The following RPF2 variants were observed in gnomAD, a reference collection of about 807,000 sequenced individuals.
RPF2 encodes the protein ribosome production factor 2 homolog, also known as brix domain containing 1.
Under a neutral mutation model 38.9 loss-of-function variants are expected in RPF2, and 21 were observed. The observed-to-expected ratio is 0.54, with a 90% CI of 0.38 to 0.78. The LOEUF (loss-of-function observed/expected upper bound fraction) is 0.78, where lower values mean the gene tolerates loss of function less well. RPF2 is among the 30% of genes least tolerant of loss of function. The pLI is 0.00. For missense variants in RPF2, 314 were observed against 358.1 expected, an observed-to-expected ratio of 0.88 and a Z score of 0.99; for synonymous variants, 121 against 126.2, an observed-to-expected ratio of 0.96 and a Z score of 0.28.
intron 6 of RPF2, among the ~76,000 whole-genome samples, chr6:111,006,218 A>G (rs1583268509): frequency 6.6e-6 from 1 of 151,396 alleles, no homozygotes; most frequent in Non-Finnish European, 1.5e-5. Flanking sequence ...AGTGTAAGCC[A>G]CCACACCTAG....
intron 4 of RPF2, among the ~76,000 whole-genome samples, chr6:110,993,673 A>T (rs1771659105): frequency 6.6e-6 from 1 of 152,210 alleles, no homozygotes; most frequent in Admixed American, 6.5e-5. Context: ...ATAAAAGCTG[A>T]CAACAGCTTT....
rs1014697155 is a variant in RPF2 at position 111,026,208 on chromosome 6, T to G, written c.*626T>G. 2 of 152,292 alleles carry G rather than the reference T, an allele frequency of 1.3e-5. No individual in the cohort carries two copies. The highest frequency in any genetic ancestry group is 4.8e-5 in the African/African-American group (2 of 41,438). The allele number at this position is 152,292 out of a possible 1,614,324, so 9.4% of individuals were successfully genotyped here. The stretch of plus-strand genomic sequence containing the variant: ...TCTCTGAGACGAAACCTGTGTTTTT[T>G]GGTTGGTTTGTTTTTAAGAGATGGG... On this transcript the variant is annotated 3_prime_UTR_variant, in exon 10 of 10. Transcript: ENST00000441448.
chr6:110,999,675 G>A (rs748432770), intron 5 of RPF2, 36 bp from the exon 6 acceptor site: 1 of 1,428,790 alleles, frequency 7.0e-7, no homozygotes, highest in South Asian at 1.1e-5. Flanking sequence ...GGCTCTTTGG[G>A]AAAAATACAT....
At chr6:111,020,725 A>G (rs1772217274) in intron 8 of RPF2, among the ~76,000 whole-genome samples, 1 of 152,046 alleles carries the variant, frequency 6.6e-6, no homozygotes. Flanking sequence ...GCCGGGCAAC[A>G]TGGTGTGCAC....
At chr6:111,019,976 G>T (rs191333633) in intron 8 of RPF2, among the ~76,000 whole-genome samples, 39 of 149,288 alleles carry the variant, frequency 2.6e-4, no homozygotes, top group Admixed American at 2.2e-3. Flanking sequence ...GTGCAGTGAC[G>T]CAATCTCAGC....
intron 4 of RPF2, among the ~76,000 whole-genome samples, chr6:110,994,732 T>TACACACACACAC (rs754731328): frequency 2.5e-3 from 251 of 101,902 alleles, no homozygotes; most frequent in African/African-American, 4.9e-3. Flanking sequence ...GATGAGTATA[T>TACACACACACAC]ATACACACAC....
intron 8 of RPF2, among the ~76,000 whole-genome samples, chr6:111,022,912 T>G (rs1772258918): frequency 6.6e-6 from 1 of 152,242 alleles, no homozygotes; most frequent in South Asian, 2.1e-4. Flanking sequence ...TGTTTGTTTG[T>G]TTTTGAGACG....
chr6:111,019,109 C>T (rs561437272), intron 8 of RPF2, among the ~76,000 whole-genome samples: 1 of 151,990 alleles, frequency 6.6e-6, no homozygotes, highest in African/African-American at 2.4e-5. Context: ...ACTTAGGAGG[C>T]TGAGGCAGGA....
At chr6:111,007,665 C>A (rs1427140591) in intron 6 of RPF2, among the ~76,000 whole-genome samples, 1 of 152,138 alleles carries the variant, frequency 6.6e-6, no homozygotes, top group Non-Finnish European at 1.5e-5. Context: ...TCAGTATAGG[C>A]CAGGCACAGT....
intron 6 of RPF2, among the ~76,000 whole-genome samples, chr6:111,005,060 C>T (rs181735523): frequency 8.9e-4 from 135 of 152,220 alleles, no homozygotes; most frequent in African/African-American, 3.0e-3. Flanking sequence ...TAGGGTCAGA[C>T]TGGCGTGGTT....
intron 7 of RPF2, among the ~76,000 whole-genome samples, chr6:111,009,293 A>C (rs1184724227): frequency 6.6e-6 from 1 of 151,938 alleles, no homozygotes; most frequent in African/African-American, 2.4e-5. Flanking sequence ...TGACCTCGTG[A>C]TCCACCCGCC....
intron 4 of RPF2, among the ~76,000 whole-genome samples, chr6:110,995,679 A>G (rs973694989): frequency 6.6e-6 from 1 of 152,224 alleles, no homozygotes; most frequent in Admixed American, 6.5e-5. Context: ...GAATCAAAGC[A>G]TGCGGGATGT....
In RPF2 at chr6:110,982,091, G is replaced by A; in HGVS notation, c.-16G>A. 6.2e-7 allele frequency: 1 copy of A among 1,614,222 alleles called. No individual in the cohort carries two copies. On this transcript the variant is annotated 5_prime_UTR_variant, in exon 1 of 10. Coordinates refer to ENST00000441448, the MANE Select transcript of RPF2 (RefSeq NM_032194.3). ...CGTGCATGCCCCCTGGTTAAGAGTTGCAGGTAGCGGTAGCGATGGACACTC... is the reference window on the plus strand; with the variant it reads ...CGTGCATGCCCCCTGGTTAAGAGTTACAGGTAGCGGTAGCGATGGACACTC...
At chr6:111,002,541 C>T (rs1771827479) in intron 6 of RPF2, among the ~76,000 whole-genome samples, 1 of 151,994 alleles carries the variant, frequency 6.6e-6, no homozygotes, top group Non-Finnish European at 1.5e-5. Flanking sequence ...CTATATTGCC[C>T]TGGCTAGTCT....
At chr6:111,020,040 A>C (rs1052758882) in intron 8 of RPF2, among the ~76,000 whole-genome samples, 1 of 151,170 alleles carries the variant, frequency 6.6e-6, no homozygotes, top group African/African-American at 2.4e-5. Flanking sequence ...TCAGCCTCCC[A>C]AGTAGCTGGA....
At chr6:111,011,941 C>T (rs1223386729) in intron 7 of RPF2, among the ~76,000 whole-genome samples, 1 of 152,124 alleles carries the variant, frequency 6.6e-6, no homozygotes, top group Non-Finnish European at 1.5e-5. Context: ...GACTGTAGGG[C>T]ACCAAGGGAA....
chr6:110,996,667 T>C (rs1771715802), intron 4 of RPF2, among the ~76,000 whole-genome samples: 3 of 152,218 alleles, frequency 2.0e-5, no homozygotes, highest in Non-Finnish European at 4.4e-5. Flanking sequence ...ATGCACATCT[T>C]TTCCCTAAGT....
At chr6:110,983,796 C>T (rs1400273019) in intron 1 of RPF2, among the ~76,000 whole-genome samples, 1 of 136,094 alleles carries the variant, frequency 7.3e-6, no homozygotes, top group Non-Finnish European at 1.6e-5. Flanking sequence ...GAGGCTGAGG[C>T]GGGGGGGTGG....
chr6:110,999,543 A>C (rs1485183064), intron 5 of RPF2, among the ~76,000 whole-genome samples, 168 bp from the exon 6 acceptor site: 2 of 152,294 alleles, frequency 1.3e-5, no homozygotes, highest in East Asian at 3.9e-4. Context: ...TAATATCATA[A>C]AAATCAATAA....
Sources: allele counts gnomAD v4.1 joint callset (sites outside exome capture counted in the v4.1 genomes callset), GRCh38; gene constraint gnomAD v4.1.1; transcripts MANE v1.5; gene names NCBI Gene and HGNC (gene_info 2026-07-23, HGNC 2026-07-21).